DGKK: variants seen among roughly 807,000 people sequenced by gnomAD.
DGKK encodes 142 kDa diacylglycerol kinase.
Under a neutral mutation model 92.2 loss-of-function variants are expected in DGKK, and 35 were observed. The ratio of observed to expected loss-of-function variants is 0.38; its 90% CI spans 0.29 to 0.50. DGKK has a LOEUF of 0.50. DGKK is among the 20% of genes least tolerant of loss of function. The pLI is 0.92. For missense variants in DGKK, 910 were observed against 992.2 expected (o/e 0.92, Z 1.11); for synonymous variants, 368 against 360.6 (o/e 1.02, Z -0.23).
intron 1 of DGKK, among the ~76,000 whole-genome samples, chrX:50,438,329 A>C (rs1453866229): frequency 8.9e-6 from 1 of 111,891 alleles, no homozygotes; most frequent in Non-Finnish European, 1.9e-5. Context: ...CTTTGTATAC[A>C]TTAGTGCTAA....
intron 21 of DGKK, 151 bp downstream of exon 21, chrX:50,378,427 C>T: frequency 2.7e-6 from 2 of 734,853 alleles, no homozygotes; most frequent in Non-Finnish European, 3.9e-6. Flanking sequence ...CCTCTGCCTC[C>T]AACCTCAGTC....
chrX:50,444,218 T>C (rs1340695069), intron 1 of DGKK, among the ~76,000 whole-genome samples: 1 of 111,998 alleles, frequency 8.9e-6, no homozygotes, highest in African/African-American at 3.2e-5. Flanking sequence ...CCATGTTTAA[T>C]GTTAACAAAA....
intron 1 of DGKK, among the ~76,000 whole-genome samples, chrX:50,432,544 A>G (rs1160488156): frequency 2.7e-5 from 3 of 112,275 alleles, no homozygotes; most frequent in African/African-American, 9.7e-5. Context: ...TCTTTTTACA[A>G]TTGCATAGCA....
rs1337130245 is a variant in DGKK, at chrX:50,368,860, T to A, written c.*80A>T. 3.7e-6 allele frequency: 3 copies of A among 814,146 alleles called. No individual in the cohort carries two copies. In the African/African-American group the frequency reaches 6.2e-5, roughly 17 times the overall value. The allele number at this position is 814,146 out of a possible 1,213,427, so 67.1% of individuals were successfully genotyped here. On this transcript the variant is annotated 3_prime_UTR_variant, in exon 28 of 28. Coordinates refer to ENST00000611977, the MANE Select transcript of DGKK (RefSeq NM_001013742.4). ...GGTGCTCATGTTTGTTCTGAAATGATTTAGTCTAGCCTGTATTGAGGTTTT... is the reference window on the plus strand; with the variant it reads ...GGTGCTCATGTTTGTTCTGAAATGAATTAGTCTAGCCTGTATTGAGGTTTT...
chrX:50,444,076 G>C (rs182585183), intron 1 of DGKK, among the ~76,000 whole-genome samples: 6 of 110,796 alleles, frequency 5.4e-5, no homozygotes, highest in Admixed American at 9.7e-5. Flanking sequence ...TAGCCTATGG[G>C]TAGTCTCCAG....
rs372208739 is a variant in DGKK at position 50,371,814 on chromosome X, C to T, written c.3522G>A (p.Glu1174=). ...CATCCAGGGCGCTTTGTAGTGCAGT[C>T]TCATCCTCAGCACTTCTCAGCTGGT... ...DEKLLRSAED[E]TALQSALDAM... is the part of the protein sequence containing the mutation. Residue 1174 remains glutamate, a synonymous_variant, in exon 26 of 28, where the codon GAG becomes GAA. Transcript: ENST00000611977. The T allele has an allele frequency of 8.3e-7, 1 of 1,198,699 alleles. No homozygotes were observed. Among genetic ancestry groups the T allele is most frequent in the Non-Finnish European group, 1.1e-6 (1 of 886,815 alleles).
intron 18 of DGKK, among the ~76,000 whole-genome samples, chrX:50,380,689 C>T (rs781964253): frequency 2.7e-5 from 3 of 110,946 alleles, no homozygotes; most frequent in Non-Finnish European, 3.8e-5. Flanking sequence ...GGGAGGACAG[C>T]GTCTTGTTGA....
At position 50,368,332 on chromosome X, in the gene DGKK, G is replaced by C. The variant is rs1924023907; in HGVS notation, c.*608C>G. The C allele has an allele frequency of 1.8e-5, 2 of 111,057 alleles. No homozygotes were observed. The highest frequency in any genetic ancestry group is 7.8e-4 in the South Asian group (2 of 2,559). 9.2% of individuals were successfully genotyped at this position (111,057 alleles called of 1,213,427 possible). On this transcript the variant is annotated 3_prime_UTR_variant, in exon 28 of 28. Transcript: ENST00000611977. Reference sequence around the variant, plus strand: ...AACGCAAAGGGTTTGCAGAGAGAGAGAGAGGTTACCATATCTACAAAAAGA... The same window carrying C: ...AACGCAAAGGGTTTGCAGAGAGAGACAGAGGTTACCATATCTACAAAAAGA...
intron 8 of DGKK, among the ~76,000 whole-genome samples, chrX:50,393,887 G>T (rs1460967911): frequency 8.9e-6 from 1 of 112,202 alleles, no homozygotes; most frequent in Non-Finnish European, 1.9e-5. Flanking sequence ...GAAGCAAAGA[G>T]CTTTAATCAC....
chrX:50,374,576 T>A, intron 25 of DGKK, among the ~76,000 whole-genome samples: 1 of 111,248 alleles, frequency 9.0e-6, no homozygotes, highest in East Asian at 2.8e-4. Context: ...ATCTCCCAAT[T>A]TTCCCACTAT....
At chrX:50,467,063 G>A (rs957414650) in intron 1 of DGKK, among the ~76,000 whole-genome samples, 10 of 111,911 alleles carry the variant, frequency 8.9e-5, no homozygotes, top group Non-Finnish European at 1.3e-4. Context: ...CACAGCTGAT[G>A]AGAGAGAAAG....
At chrX:50,419,637 T>C (rs1357874050) in intron 4 of DGKK, among the ~76,000 whole-genome samples, 2 of 112,179 alleles carry the variant, frequency 1.8e-5, no homozygotes, top group Non-Finnish European at 3.8e-5. Flanking sequence ...TCAAAAGATA[T>C]TTATTGTGCC....
chrX:50,431,714 C>T (rs781794445), intron 1 of DGKK, among the ~76,000 whole-genome samples: 4 of 111,329 alleles, frequency 3.6e-5, no homozygotes, highest in Admixed American at 9.6e-5. Context: ...TGATTCAAAG[C>T]AACTGTGTTT....
At chrX:50,415,751 C>T (rs1925417979) in intron 4 of DGKK, among the ~76,000 whole-genome samples, 1 of 111,435 alleles carries the variant, frequency 9.0e-6, no homozygotes, top group Admixed American at 9.5e-5. Flanking sequence ...GCCTAGTTCA[C>T]CATTTCTATT....
At chrX:50,434,737 T>G (rs1925975301) in intron 1 of DGKK, among the ~76,000 whole-genome samples, 1 of 111,508 alleles carries the variant, frequency 9.0e-6, no homozygotes, top group African/African-American at 3.3e-5. Flanking sequence ...AATCCTGAAT[T>G]TTGCATATAT....
chrX:50,449,498 G>A (rs1375588319), intron 1 of DGKK, among the ~76,000 whole-genome samples: 1 of 111,420 alleles, frequency 9.0e-6, no homozygotes, highest in South Asian at 3.8e-4. Context: ...CTCCCTCTGC[G>A]CAGAGATAGA....
At chrX:50,384,875 G>T in intron 15 of DGKK, 51 bp from the exon 16 acceptor site, 1 of 949,446 alleles carries the variant, frequency 1.1e-6, no homozygotes, top group Non-Finnish European at 1.5e-6. Flanking sequence ...GAGGAAGGGA[G>T]GGAGGAAGAA....
Position 50,422,433 on chromosome X carries a change from C to A in DGKK, c.837+13G>T. ...CTACCCCTGCCCATTCAGTCATTCCCAATCTTACTTACACAAAAACTGTGG... is the reference window on the plus strand; with the variant it reads ...CTACCCCTGCCCATTCAGTCATTCCAAATCTTACTTACACAAAAACTGTGG... On this transcript the variant is annotated intron_variant, in intron 3 of 27. Transcript: ENST00000611977. 1 of 1,187,874 alleles carries A rather than the reference C, an allele frequency of 8.4e-7. No individual in the cohort carries two copies. The highest frequency in any genetic ancestry group is 1.1e-6 in the Non-Finnish European group (1 of 880,011).
chrX:50,436,271 T>G (rs782223635), intron 1 of DGKK, among the ~76,000 whole-genome samples: 1 of 112,380 alleles, frequency 8.9e-6, no homozygotes, highest in South Asian at 3.7e-4. Context: ...GGAAGGACTA[T>G]GCTAATCATG....
Sources: allele counts gnomAD v4.1 joint callset (sites outside exome capture counted in the v4.1 genomes callset), GRCh38; gene constraint gnomAD v4.1.1; transcripts MANE v1.5; gene names NCBI Gene and HGNC (gene_info 2026-07-23, HGNC 2026-07-21).